EVA1C: variants seen among roughly 807,000 people sequenced by gnomAD.
EVA1C encodes eva-1 homolog C.
EVA1C carries 25 observed loss-of-function variants against 45.4 expected under a neutral mutation model. That is an observed-to-expected ratio of 0.55 (90% CI 0.40 to 0.77). The LOEUF (loss-of-function observed/expected upper bound fraction) is 0.77. Among genes scored for constraint, EVA1C ranks in the 30% least tolerant of loss-of-function variants. EVA1C has a pLI of 0.00. For missense variants in EVA1C, 479 were observed against 554.8 expected, an observed-to-expected ratio of 0.86 and a Z score of 1.37; for synonymous variants, 190 against 221.2, an observed-to-expected ratio of 0.86 and a Z score of 1.25.
chr21:32,421,523 A>G (rs1195989916), intron 1 of EVA1C, among the ~76,000 whole-genome samples: 2 of 152,130 alleles, frequency 1.3e-5, no homozygotes, highest in Non-Finnish European at 2.9e-5. Flanking sequence ...CTGGGTTTTG[A>G]ATTCATATTA....
At chr21:32,440,243 GT>G (rs997693781) in intron 1 of EVA1C, among the ~76,000 whole-genome samples, 6 of 152,216 alleles carry the variant, frequency 3.9e-5, no homozygotes, top group African/African-American at 1.4e-4. Context: ...GTTGCATTAA[GT>G]TATCAAATGC....
intron 4 of EVA1C, among the ~76,000 whole-genome samples, chr21:32,468,655 G>A (rs768402709): frequency 2.0e-5 from 3 of 152,080 alleles, no homozygotes; most frequent in Admixed American, 6.6e-5. Flanking sequence ...CATCCAGCAC[G>A]GGAGAAAGAT....
At chr21:32,493,495 G>C (rs2146399986) in intron 4 of EVA1C, among the ~76,000 whole-genome samples, 1 of 152,030 alleles carries the variant, frequency 6.6e-6, no homozygotes, top group Admixed American at 6.5e-5. Flanking sequence ...CCCCTGCAGG[G>C]GCTCCTAGCC....
chr21:32,462,428 C>T (rs1479945560), intron 3 of EVA1C, among the ~76,000 whole-genome samples: 3 of 152,176 alleles, frequency 2.0e-5, no homozygotes, highest in African/African-American at 7.2e-5. Flanking sequence ...ATAAAAGTGA[C>T]TATCTACATT....
chr21:32,432,755 C>G (rs958542202), intron 1 of EVA1C, among the ~76,000 whole-genome samples: 10 of 152,300 alleles, frequency 6.6e-5, no homozygotes, highest in African/African-American at 2.2e-4. Flanking sequence ...GGGTCTTGCT[C>G]TGTTGCCCAG....
intron 7 of EVA1C, among the ~76,000 whole-genome samples, chr21:32,504,394 A>G (rs1392641935): frequency 2.0e-5 from 3 of 152,226 alleles, no homozygotes; most frequent in Admixed American, 6.5e-5. Flanking sequence ...TTAGTAAACA[A>G]GACAGATCAT....
rs57794940 is a variant in EVA1C at position 32,422,044 on chromosome 21, C to CAAAAA, written c.160+9046_160+9050dup. On this transcript the variant is annotated intron_variant, in intron 1 of 7. Transcript: ENST00000300255. ...TGGGCAACAGAGCAAGACCCTGTCT[C>CAAAAA]AAAAAAAAAAAAAAAAAAAGAGGGA... 1.0e-3 allele frequency among the ~76,000 whole-genome samples: 93 copies of CAAAAA among 91,710 alleles called. 1 individual carries two copies. The highest frequency in any genetic ancestry group is 1.7e-3 in the Admixed American group (14 of 8,270). The allele number at this position is 91,710 out of a possible 152,430, so 60.2% of individuals were successfully genotyped here. A position where few individuals can be genotyped will look rare whatever the true frequency, so the allele number is the denominator to read the frequency against.
chr21:32,514,994 A>G lies in EVA1C; in HGVS notation c.1130A>G (p.Glu377Gly). The G allele has an allele frequency of 6.2e-7, 1 of 1,614,164 alleles. No homozygotes were observed. Among genetic ancestry groups the G allele is most frequent in the East Asian group, 2.2e-5 (1 of 44,884 alleles). Residue 377 changes from glutamate (E) to glycine (G), a missense_variant, in exon 8 of 8, where the codon GAG becomes GGG. Physicochemically the swap from Glu to Gly is moderately conservative, Grantham distance 98. This residue lies in a region of EVA1C where 366 missense variants were observed against 426.1 expected (regional missense o/e 0.86). Transcript: ENST00000300255. ...KVEEDSEDEE[E>G]EEDPSESDFP... Reference sequence around the variant, plus strand: ...GAGGAGGACAGCGAGGATGAAGAAGAGGAGGAGGACCCCTCTGAGTCTGAT... The same window carrying G: ...GAGGAGGACAGCGAGGATGAAGAAGGGGAGGAGGACCCCTCTGAGTCTGAT...
chr21:32,454,698 C>T (rs115957882), intron 2 of EVA1C, among the ~76,000 whole-genome samples: 2,403 of 151,724 alleles, frequency 0.016, 69 homozygotes, highest in African/African-American at 0.055. Flanking sequence ...TTTTGTCGAC[C>T]GTAGGAAATA....
intron 4 of EVA1C, among the ~76,000 whole-genome samples, chr21:32,475,775 GGCTGACTTCCA>G (rs768573347): frequency 6.6e-6 from 1 of 151,812 alleles, no homozygotes; most frequent in Non-Finnish European, 1.5e-5. Context: ...CCTTTCTTCC[GGCTGACTTCCA>G]GCTGACTTCC....
intron 1 of EVA1C, among the ~76,000 whole-genome samples, chr21:32,445,002 C>G (rs1452065957): frequency 6.6e-6 from 1 of 152,072 alleles, no homozygotes; most frequent in Non-Finnish European, 1.5e-5. Flanking sequence ...TGAAAATGAC[C>G]AAGGCAAGTT....
At chr21:32,424,866 T>C (rs1314170484) in intron 1 of EVA1C, among the ~76,000 whole-genome samples, 1 of 152,178 alleles carries the variant, frequency 6.6e-6, no homozygotes, top group Non-Finnish European at 1.5e-5. Flanking sequence ...TGATGATTGA[T>C]GATGATTTCT....
At chr21:32,473,268 T>C (rs2036441349) in intron 4 of EVA1C, among the ~76,000 whole-genome samples, 1 of 152,198 alleles carries the variant, frequency 6.6e-6, no homozygotes. Context: ...GTGTGTTCAG[T>C]TGGATGCTGT....
intron 1 of EVA1C, among the ~76,000 whole-genome samples, chr21:32,442,795 C>T (rs2146209740): frequency 6.6e-6 from 1 of 151,878 alleles, no homozygotes; most frequent in African/African-American, 2.4e-5. Flanking sequence ...GATGTGGGGC[C>T]AGTGACTGAT....
chr21:32,421,733 G>A lies in EVA1C; in HGVS notation c.160+8720G>A, dbSNP rs577833487. Among the ~76,000 whole-genome samples the A allele has an allele frequency of 1.8e-3, 276 of 152,252 alleles. 2 individuals are homozygous for A. Among genetic ancestry groups the A allele is most frequent in the Non-Finnish European group, 3.2e-3 (215 of 68,020 alleles). ...AGCAGTAGTCAGCAGCAATGACACG[G>A]TTCTTAAGTAATAAAAGAGAGAATC... On this transcript the variant is annotated intron_variant, in intron 1 of 7. Coordinates refer to ENST00000300255, the MANE Select transcript of EVA1C (RefSeq NM_058187.5).
intron 7 of EVA1C, among the ~76,000 whole-genome samples, chr21:32,508,947 C>G (rs2037860713): frequency 6.6e-6 from 1 of 152,182 alleles, no homozygotes; most frequent in South Asian, 2.1e-4. Flanking sequence ...TAGAACAATG[C>G]CAGCAGAAAC....
At chr21:32,439,424 C>T (rs1427990017) in intron 1 of EVA1C, among the ~76,000 whole-genome samples, 1 of 152,136 alleles carries the variant, frequency 6.6e-6, no homozygotes, top group Admixed American at 6.5e-5. Context: ...AGCTGGAGGC[C>T]AGGCCAGCAT....
intron 5 of EVA1C, among the ~76,000 whole-genome samples, chr21:32,498,439 CAA>C (rs552076847): frequency 0.043 from 3,407 of 79,682 alleles, 117 homozygotes; most frequent in African/African-American, 0.13. Flanking sequence ...AACTCTGTCT[CAA>C]AAAAAAAAAA....
At chr21:32,467,325 T>C (rs116918387) in intron 3 of EVA1C, among the ~76,000 whole-genome samples, 4,237 of 152,148 alleles carry the variant, frequency 0.028, 80 homozygotes, top group South Asian at 0.061. Flanking sequence ...AAGCCAACAT[T>C]TGAGAAAAGG....
Sources: gnomAD v4.1 joint callset for allele counts (sites outside exome capture counted in the v4.1 genomes callset) on GRCh38, gnomAD v4.1.1 for gene constraint, gnomAD v4.1.1 regional missense constraint, MANE v1.5 for transcripts, NCBI Gene and HGNC (gene_info 2026-07-23, HGNC 2026-07-21) for gene names.